Variants in HERC1 observed in about 807,000 individuals in gnomAD.
The protein encoded by HERC1 is probable E3 ubiquitin-protein ligase HERC1.
A neutral mutation model predicts 554.3 loss-of-function variants in HERC1; 160 were observed. The ratio of observed to expected loss-of-function variants is 0.29; its 90% CI spans 0.25 to 0.33. The LOEUF is 0.33. Among genes scored for constraint, HERC1 ranks in the 10% least tolerant of loss-of-function variants. The pLI is 1.00. For synonymous variants in HERC1, 2,175 were observed against 2,131.7 expected (o/e 1.02, Z -0.56); for missense variants, 4,919 against 5,918.5 (o/e 0.83, Z 5.54).
intron 2 of HERC1, among the ~76,000 whole-genome samples, chr15:63,771,517 AC>A (rs2075955995): frequency 6.7e-6 from 1 of 150,216 alleles, no homozygotes; most frequent in Non-Finnish European, 1.5e-5. Flanking sequence ...TGCAACCTCC[AC>A]CTCCCAGGTT....
chr15:63,644,283 G>A (rs2069214521), intron 57 of HERC1, among the ~76,000 whole-genome samples: 1 of 152,230 alleles, frequency 6.6e-6, no homozygotes, highest in Non-Finnish European at 1.5e-5. Context: ...GCAACAGAAT[G>A]TACAAACTGG....
chr15:63,781,639 G>C (rs181244935), intron 1 of HERC1, among the ~76,000 whole-genome samples: 72 of 152,174 alleles, frequency 4.7e-4, no homozygotes, highest in Non-Finnish European at 9.1e-4. Context: ...TTGAAATTAG[G>C]CCAACTAATA....
intron 38 of HERC1, 106 bp from the exon 39 acceptor site, chr15:63,672,800 T>C (rs1388813299): frequency 8.3e-6 from 6 of 726,904 alleles, no homozygotes; most frequent in Non-Finnish European, 1.3e-5. Context: ...TTTCTAAATA[T>C]ATTTCACAAG....
At chr15:63,668,485 A>AAAAC (rs967265739) in intron 40 of HERC1, among the ~76,000 whole-genome samples, 11 of 152,160 alleles carry the variant, frequency 7.2e-5, no homozygotes, top group African/African-American at 9.7e-5. Context: ...GCTGTCTCTA[A>AAAAC]AAACAAACAA....
Position 63,694,781 on chromosome 15 carries a change from A to G in HERC1, c.5235T>C (p.His1745=), listed in dbSNP as rs1302713309. ...CAGGAACCGTTTACTTACCAATGTG[A>G]TGCTTGTTTGCTTGCAGGGCTCTTT... ...TLERALQANK[H]HIEAQQRLLL... is the part of the protein sequence containing the mutation. The change falls in exon 28 of 78, where the codon CAT becomes CAC. Residue 1745 remains histidine, a synonymous_variant. Transcript: ENST00000443617. This position sits in a 1 kb window ranked among gnomAD's most constrained non-coding sequence, Gnocchi z 4.3. 1 of 1,613,848 alleles carries G rather than the reference A, an allele frequency of 6.2e-7. No homozygotes were observed. Among genetic ancestry groups the G allele is most frequent in the Non-Finnish European group, 8.5e-7 (1 of 1,179,870 alleles).
intron 12 of HERC1, among the ~76,000 whole-genome samples, chr15:63,743,263 C>CTTTTTTTTTTTTTTTTTTTTTTTGT (rs71131177): frequency 9.2e-6 from 1 of 109,184 alleles, no homozygotes; most frequent in African/African-American, 3.6e-5. Flanking sequence ...TTTTCTTTTT[C>CTTTTTTTTTTTTTTTTTTTTTTTGT]TTTTTTTTTT....
Position 63,612,638 on chromosome 15 carries a change from C to T in HERC1, c.14095-82G>A, listed in dbSNP as rs2067651012. ...AGGGCCCTGTGGGGCTAGGCGCCTC[C>T]TGATGCCTGCTCGTCCGCTCCCCAG... On this transcript the variant is annotated intron_variant, in intron 76 of 77. Coordinates refer to ENST00000443617, the MANE Select transcript of HERC1 (RefSeq NM_003922.4). The surrounding 1 kb of genome is among the most constrained non-coding windows in gnomAD (Gnocchi z 5.0). 4 of 1,348,840 alleles carry T rather than the reference C, an allele frequency of 3.0e-6. No individual in the cohort carries two copies. The allele number at this position is 1,348,840 out of a possible 1,614,324, so 83.6% of individuals were successfully genotyped here. A position where few individuals can be genotyped will look rare whatever the true frequency, so the allele number is the denominator to read the frequency against.
intron 76 of HERC1, among the ~76,000 whole-genome samples, chr15:63,614,149 T>C (rs1246291840): frequency 6.6e-6 from 1 of 152,136 alleles, no homozygotes; most frequent in Non-Finnish European, 1.5e-5. Flanking sequence ...GGCTTGTTAC[T>C]GAGAACAGAA....
intron 3 of HERC1, among the ~76,000 whole-genome samples, chr15:63,762,282 G>C (rs545932889): frequency 6.6e-6 from 1 of 152,224 alleles, no homozygotes; most frequent in East Asian, 1.9e-4. Flanking sequence ...TCAATGTGCT[G>C]AAACTCAAAT....
Position 63,760,880 on chromosome 15 carries a change from T to C in HERC1, c.1027-2511A>G, listed in dbSNP as rs1442957919. ...ATGAATAATATCAAGACATATTCTA[T>C]AGTAAAATTACTGATCTTTAAAGAG... On this transcript the variant is annotated intron_variant, in intron 3 of 77. Coordinates refer to ENST00000443617, the MANE Select transcript of HERC1 (RefSeq NM_003922.4). 2.6e-5 allele frequency among the ~76,000 whole-genome samples: 4 copies of C among 152,280 alleles called. No individual in the cohort carries two copies. In the East Asian group the frequency reaches 7.7e-4, roughly 29 times the overall value.
In HERC1 at chr15:63,663,188, A is replaced by T; in HGVS notation, c.8697T>A (p.Ser2899=). The T allele has an allele frequency of 6.2e-7, 1 of 1,614,042 alleles. No individual in the cohort carries two copies. Among genetic ancestry groups the T allele is most frequent in the Non-Finnish European group, 8.5e-7 (1 of 1,179,878 alleles). ...GACTTTGATTCCTGTGGGCCTGCACAGAGCGGTATAATCCCGCTCAGAACA... is the reference window on the plus strand; with the variant it reads ...GACTTTGATTCCTGTGGGCCTGCACTGAGCGGTATAATCCCGCTCAGAACA... ...LLARAAGLYR[S]VQAHRNQSRR... is the part of the protein sequence containing the mutation. The change falls in exon 44 of 78, where the codon TCT becomes TCA. Residue 2899 remains serine, a synonymous_variant. Coordinates refer to ENST00000443617, the MANE Select transcript of HERC1 (RefSeq NM_003922.4).
chr15:63,628,618 T>G, intron 70 of HERC1, 59 bp downstream of exon 70: 2 of 1,519,640 alleles, frequency 1.3e-6, no homozygotes, highest in Non-Finnish European at 1.8e-6. Context: ...AAGCAGACAG[T>G]GCCATGGGGT....
rs1280860089 is a variant in HERC1 at position 63,775,579 on chromosome 15, G to C, written c.45C>G (p.His15Gln). The change falls in exon 2 of 78, where the codon CAC becomes CAG. Residue 15 changes from histidine to glutamine, a missense_variant. This residue lies in a region of HERC1 where 110 missense variants were observed against 99.3 expected (regional missense o/e 1.11). Transcript: ENST00000443617. The surrounding 1 kb of genome is among the most constrained non-coding windows in gnomAD (Gnocchi z 4.0). ...IPPVKLKWLE[H>Q]LNSSWITEDS... ...CCTCTGTAATCCAGGAGCTGTTCAA[G>C]TGTTCAAGCCATTTCAGCTTCACTG... is the stretch of plus-strand genomic sequence containing the variant. 1 of 1,610,804 alleles carries C rather than the reference G, an allele frequency of 6.2e-7. No individual in the cohort carries two copies. Among genetic ancestry groups the C allele is most frequent in the South Asian group, 1.1e-5 (1 of 90,364 alleles).
At chr15:63,818,662 T>C (rs1025923454) in intron 1 of HERC1, among the ~76,000 whole-genome samples, 10 of 152,208 alleles carry the variant, frequency 6.6e-5, no homozygotes, top group African/African-American at 2.4e-4. Flanking sequence ...GAAAAATCCT[T>C]CTTAATATCT....
At chr15:63,631,343 A>C (rs752895886) in intron 68 of HERC1, among the ~76,000 whole-genome samples, 6 of 151,786 alleles carry the variant, frequency 4.0e-5, no homozygotes, top group Non-Finnish European at 8.8e-5. Context: ...CTGAAATTCT[A>C]CTCTCAAAAG....
Position 63,680,488 on chromosome 15 carries a change from T to C in HERC1, c.6465+49A>G. 6.3e-7 allele frequency: 1 copy of C among 1,594,076 alleles called. No individual in the cohort carries two copies. Among genetic ancestry groups the C allele is most frequent in the Non-Finnish European group, 8.5e-7 (1 of 1,169,894 alleles). On this transcript the variant is annotated intron_variant, in intron 35 of 77. Transcript: ENST00000443617. This position sits in a 1 kb window ranked among gnomAD's most constrained non-coding sequence, Gnocchi z 5.8. ...GTGGCACTTGAATAACCGAGTTGAC[T>C]ATAAATAGAAACAAGAAAAATGTAA...
At chr15:63,827,934 G>A (rs2077997652) in intron 1 of HERC1, among the ~76,000 whole-genome samples, 1 of 152,174 alleles carries the variant, frequency 6.6e-6, no homozygotes, top group Non-Finnish European at 1.5e-5. Flanking sequence ...TCCAGAATAG[G>A]CAAACACACA....
rs545080899 is a variant in HERC1, at chr15:63,776,844, G to C, written c.-26-1195C>G. Among the ~76,000 whole-genome samples, 13 of 152,260 alleles carry C rather than the reference G, an allele frequency of 8.5e-5. No individual in the cohort carries two copies. In the South Asian group the frequency reaches 2.1e-3, roughly 24 times the overall value. ...AAAAAAACTCAGTGAAAGTGCACTT[G>C]AGATTTTTACATTTCACTGCATGTA... On this transcript the variant is annotated intron_variant, in intron 1 of 77. Coordinates refer to ENST00000443617, the MANE Select transcript of HERC1 (RefSeq NM_003922.4).
chr15:63,705,361 C>T (rs1207163370), intron 25 of HERC1, among the ~76,000 whole-genome samples: 1 of 151,858 alleles, frequency 6.6e-6, no homozygotes, highest in Non-Finnish European at 1.5e-5. Context: ...CACTATGTTG[C>T]CCAGACTAGC....
Sources: allele counts gnomAD v4.1 joint callset (sites outside exome capture counted in the v4.1 genomes callset), GRCh38; gene constraint gnomAD v4.1.1; regional missense constraint gnomAD v4.1.1; non-coding constraint Gnocchi (gnomAD v3.1); transcripts MANE v1.5; gene names NCBI Gene and HGNC (gene_info 2026-07-23, HGNC 2026-07-21).